The following COL4A3 variants were observed in gnomAD, a reference collection of about 807,000 sequenced individuals.
The protein encoded by COL4A3 is collagen alpha-3(IV) chain.
COL4A3 carries 135 observed loss-of-function variants against 217.4 expected under a neutral mutation model. The observed-to-expected ratio is 0.62, with a 90% confidence interval of 0.54 to 0.72. COL4A3 has a LOEUF of 0.72. Ranked by LOEUF, COL4A3 falls within the 30% of genes least tolerant of loss-of-function variation. COL4A3 has a pLI of 0.00. For missense variants in COL4A3, 1,868 were observed against 2,119.9 expected, an observed-to-expected ratio of 0.88 and a Z score of 2.33; for synonymous variants, 690 against 736.3, an observed-to-expected ratio of 0.94 and a Z score of 1.02.
intron 1 of COL4A3, among the ~76,000 whole-genome samples, chr2:227,185,717 A>G (rs1333861193): frequency 2.6e-5 from 4 of 152,206 alleles, no homozygotes; most frequent in Admixed American, 6.5e-5. Context: ...TCAGAAGGAA[A>G]GCCTTAGGCT....
chr2:227,165,889 C>T (rs1405458935), intron 1 of COL4A3, among the ~76,000 whole-genome samples: 1 of 152,122 alleles, frequency 6.6e-6, no homozygotes, highest in Non-Finnish European at 1.5e-5. Context: ...TCCCCATTTC[C>T]TTGTCTTCCA....
rs189757486 is a variant in COL4A3 at position 227,265,940 on chromosome 2, G to A, written c.1316-477G>A. ...TGATGGCAACATGGAGAAGTGCTGA[G>A]CAAAATGGGGAAAAGCCCATTATAA... On this transcript the variant is annotated intron_variant, in intron 21 of 51. Coordinates refer to ENST00000396578, the MANE Select transcript of COL4A3 (RefSeq NM_000091.5). 92 of 160,816 alleles carry A rather than the reference G, an allele frequency of 5.7e-4. 1 individual carries two copies. Among genetic ancestry groups the A allele is most frequent in the Non-Finnish European group, 1.4e-5 (1 of 72,892 alleles). The allele number at this position is 160,816 out of a possible 1,614,324, so 10.0% of individuals were successfully genotyped here.
chr2:227,312,934 A>C lies in COL4A3; in HGVS notation c.*1064A>C, dbSNP rs2073794869. 6.6e-6 allele frequency: 1 copy of C among 152,502 alleles called. No homozygotes were observed. The highest frequency in any genetic ancestry group is 6.5e-5 in the Admixed American group (1 of 15,274). 9.4% of individuals were successfully genotyped at this position (152,502 alleles called of 1,614,324 possible). A position where few individuals can be genotyped will look rare whatever the true frequency, so the allele number is the denominator to read the frequency against. On this transcript the variant is annotated 3_prime_UTR_variant, in exon 52 of 52. Transcript: ENST00000396578. ...CTCTAATTCTTCCTTTGTAAAAAAA[A>C]AAAAAAGCAACACTTTTTATGTTAT... is the stretch of plus-strand genomic sequence containing the variant.
At chr2:227,281,148 C>G in intron 31 of COL4A3, 142 bp downstream of exon 31, 1 of 720,166 alleles carries the variant, frequency 1.4e-6, no homozygotes, top group Admixed American at 2.0e-5. Flanking sequence ...AAGTGTAAAC[C>G]TTGCTGTTAT....
intron 9 of COL4A3, among the ~76,000 whole-genome samples, chr2:227,249,230 A>ATATTTTTTTT: frequency 1.4e-4 from 2 of 14,690 alleles, no homozygotes; most frequent in African/African-American, 5.3e-4. Flanking sequence ...ATATATATAT[A>ATATTTTTTTT]TTTTTTTTTT....
At chr2:227,244,235 G>T in intron 3 of COL4A3, 85 bp from the exon 4 acceptor site, 1 of 1,095,424 alleles carries the variant, frequency 9.1e-7, no homozygotes, top group South Asian at 1.3e-5. Flanking sequence ...CTTGGCATGT[G>T]ACTGAGACTG....
chr2:227,218,101 T>TAG (rs2067603117), intron 1 of COL4A3, among the ~76,000 whole-genome samples: 1 of 146,048 alleles, frequency 6.8e-6, no homozygotes, highest in Non-Finnish European at 1.5e-5. Context: ...TATATATATA[T>TAG]AGTTATTTTA....
intron 44 of COL4A3, 121 bp from the exon 45 acceptor site, chr2:227,303,738 C>A: frequency 1.0e-6 from 1 of 954,954 alleles, no homozygotes. Flanking sequence ...GTGACAGAAC[C>A]CATAGGACAG....
chr2:227,186,628 C>G (rs1045567919), intron 1 of COL4A3, among the ~76,000 whole-genome samples: 2 of 152,162 alleles, frequency 1.3e-5, no homozygotes, highest in African/African-American at 4.8e-5. Context: ...GGTAAGTAGG[C>G]TCCACCATCT....
chr2:227,273,385 C>G (rs895627879), intron 26 of COL4A3, among the ~76,000 whole-genome samples: 1 of 151,770 alleles, frequency 6.6e-6, no homozygotes, highest in African/African-American at 2.4e-5. Context: ...TGAATAGATC[C>G]TAAGCGTTAT....
At chr2:227,227,536 AAAG>A (rs951908331) in intron 1 of COL4A3, among the ~76,000 whole-genome samples, 27 of 152,218 alleles carry the variant, frequency 1.8e-4, no homozygotes, top group East Asian at 5.8e-4. Flanking sequence ...TCAAAAAAAA[AAAG>A]AAGAAGAAGA....
intron 1 of COL4A3, among the ~76,000 whole-genome samples, chr2:227,182,767 A>T (rs2065899721): frequency 1.3e-5 from 2 of 152,214 alleles, no homozygotes; most frequent in Non-Finnish European, 2.9e-5. Flanking sequence ...AATGTTAACA[A>T]TTTTAATCAG....
chr2:227,217,272 T>A (rs992501507), intron 1 of COL4A3, among the ~76,000 whole-genome samples: 2 of 152,180 alleles, frequency 1.3e-5, no homozygotes, highest in Non-Finnish European at 2.9e-5. Flanking sequence ...ACTGACTCTC[T>A]CCCACAACAT....
chr2:227,238,903 T>C (rs1430212682), intron 2 of COL4A3, among the ~76,000 whole-genome samples: 1 of 152,236 alleles, frequency 6.6e-6, no homozygotes, highest in Non-Finnish European at 1.5e-5. Flanking sequence ...GAAGCATTTA[T>C]TGAGTTTCTA....
At chr2:227,267,942 TC>T (rs536024370) in intron 23 of COL4A3, among the ~76,000 whole-genome samples, 1 of 152,266 alleles carries the variant, frequency 6.6e-6, no homozygotes, top group African/African-American at 2.4e-5. Flanking sequence ...GCTTTCGACC[TC>T]CCCGTCTTCA....
In COL4A3 at chr2:227,311,946, TATTTTTCTTTAACCAA is replaced by T. The variant is rs1293340388; in HGVS notation, c.*78_*93del. The stretch of plus-strand genomic sequence containing the variant: ...ATGACAGAACATGCTGTTATTTAGG[TATTTTTCTTTAACCAA>T]ACAATATTGCTCCATGATGACTTAG... On this transcript the variant is annotated 3_prime_UTR_variant, in exon 52 of 52. Transcript: ENST00000396578. 2 of 1,582,376 alleles carry T rather than the reference TATTTTTCTTTAACCAA, an allele frequency of 1.3e-6. No homozygotes were observed. Among genetic ancestry groups the T allele is most frequent in the East Asian group, 4.5e-5 (2 of 44,034 alleles).
intron 5 of COL4A3, 27 bp from the exon 6 acceptor site, chr2:227,245,926 TC>T (rs1305961697): frequency 3.1e-6 from 5 of 1,594,592 alleles, no homozygotes; most frequent in Non-Finnish European, 4.3e-6. Context: ...GGGATGACCC[TC>T]CTCATTGAGA....
At chr2:227,184,790 A>G (rs2065964411) in intron 1 of COL4A3, among the ~76,000 whole-genome samples, 1 of 148,602 alleles carries the variant, frequency 6.7e-6, no homozygotes, top group South Asian at 2.1e-4. Flanking sequence ...TTAAATATAT[A>G]GAAAGACTCA....
intron 1 of COL4A3, among the ~76,000 whole-genome samples, chr2:227,193,481 AGGTG>A (rs1323500169): frequency 6.6e-6 from 1 of 152,176 alleles, no homozygotes; most frequent in African/African-American, 2.4e-5. Flanking sequence ...GGGGAGGCCG[AGGTG>A]GGCGGATCAC....
Sources: allele counts gnomAD v4.1 joint callset (sites outside exome capture counted in the v4.1 genomes callset), GRCh38; gene constraint gnomAD v4.1.1; transcripts MANE v1.5; gene names NCBI Gene and HGNC (gene_info 2026-07-23, HGNC 2026-07-21).